PCDHB7: variants seen among roughly 807,000 people sequenced by gnomAD.
The protein encoded by PCDHB7 is protocadherin beta 7, also known as protocadherin beta-7.
For missense variants in PCDHB7, 1,148 were observed against 1,011.6 expected, an observed-to-expected ratio of 1.13 and a Z score of -1.83; for synonymous variants, 542 against 463.1, an observed-to-expected ratio of 1.17 and a Z score of -2.19.
chr5:141,173,447 G>A lies in PCDHB7; in HGVS notation c.612G>A (p.Glu204=), dbSNP rs782256276. Residue 204 remains glutamate (E), a synonymous_variant, in exon 1 of 1, where the codon GAG becomes GAA. Coordinates refer to ENST00000231137, the MANE Select transcript of PCDHB7 (RefSeq NM_018940.4). ...TGAATCAAGTGCTGGATCGGGAAGA[G>A]ATACCAGAGTTCAGTTTAACCCTCA... The part of the protein sequence containing the change: ...LVLNQVLDRE[E]IPEFSLTLTA... The A allele has an allele frequency of 6.2e-7, 1 of 1,614,198 alleles. No individual in the cohort carries two copies. Among genetic ancestry groups the A allele is most frequent in the East Asian group, 2.2e-5 (1 of 44,876 alleles).
Position 141,173,804 on chromosome 5 carries a change from C to A in PCDHB7, c.969C>A (p.Asp323Glu). The A allele has an allele frequency of 1.2e-6, 2 of 1,614,152 alleles. No individual in the cohort carries two copies. Among genetic ancestry groups the A allele is most frequent in the Non-Finnish European group, 1.7e-6 (2 of 1,180,034 alleles). Residue 323 changes from aspartate (D) to glutamate (E), a missense_variant, in exon 1 of 1, where the codon GAC (aspartate) becomes GAA (glutamate). Physicochemically the swap from Asp to Glu is conservative, Grantham distance 45. Coordinates refer to ENST00000231137, the MANE Select transcript of PCDHB7 (RefSeq NM_018940.4). ...QTYTLTIQAK[D>E]GGGLSGKCTV... ...ACACATTAACTATTCAGGCCAAAGACGGCGGCGGGCTTTCTGGAAAATGCA... is the reference window on the plus strand; with the variant it reads ...ACACATTAACTATTCAGGCCAAAGAAGGCGGCGGGCTTTCTGGAAAATGCA...
Position 141,174,770 on chromosome 5 carries a change from G to A in PCDHB7, c.1935G>A (p.Lys645=), listed in dbSNP as rs782795045. The A allele has an allele frequency of 9.3e-6, 15 of 1,611,182 alleles. No individual in the cohort carries two copies. The highest frequency in any genetic ancestry group is 3.3e-5 in the South Asian group (3 of 90,986). ...AAKQRLVVLV[K]DNGEPPRSAT... ...AGCAGAGGCTGGTGGTGCTGGTCAA[G>A]GACAATGGCGAGCCTCCGCGCTCGG... The change falls in exon 1 of 1, where the codon AAG becomes AAA. Residue 645 remains lysine (K), a synonymous_variant. Transcript: ENST00000231137.
Position 141,173,699 on chromosome 5 carries a change from T to A in PCDHB7, c.864T>A (p.Ile288=). ...CATTTTCTTACGCCACTGAAAGAAT[T>A]CTCAAAACGTTTCAAATCAATCCAA... is the stretch of plus-strand genomic sequence containing the variant. ...AYAFSYATER[I]LKTFQINPTS... Residue 288 remains isoleucine, a synonymous_variant, in exon 1 of 1, where the codon ATT becomes ATA. Transcript: ENST00000231137. The A allele has an allele frequency of 6.2e-7, 1 of 1,614,094 alleles. No homozygotes were observed. The highest frequency in any genetic ancestry group is 2.2e-5 in the East Asian group (1 of 44,882).
At position 141,173,883 on chromosome 5, in the gene PCDHB7, T is replaced by G; in HGVS notation, c.1048T>G (p.Ser350Ala). Reference sequence around the variant, plus strand: ...CGATAATCGACCCGAGCTGCTCCTGTCTTCACTTACTAGCCCAATTGCAGA... The same window carrying G: ...CGATAATCGACCCGAGCTGCTCCTGGCTTCACTTACTAGCCCAATTGCAGA... ...INDNRPELLL[S>A]SLTSPIAENS... The change falls in exon 1 of 1, where the codon TCT (serine) becomes GCT (alanine). Residue 350 changes from serine (S) to alanine (A), a missense_variant. Physicochemically the swap from Ser to Ala is moderately conservative, Grantham distance 99 (BLOSUM62 1). Coordinates refer to ENST00000231137, the MANE Select transcript of PCDHB7 (RefSeq NM_018940.4). The G allele has an allele frequency of 6.2e-7, 1 of 1,613,414 alleles. No individual in the cohort carries two copies. The highest frequency in any genetic ancestry group is 1.1e-5 in the South Asian group (1 of 91,042).
chr5:141,174,026 CG>C lies in PCDHB7; in HGVS notation c.1192del (p.Glu398LysfsTer7). ...DVPFILKPSV[E>X]NFYTLVTEKP... is the part of the protein sequence containing the mutation. The stretch of plus-strand genomic sequence containing the variant: ...TCCCCTTCATCCTGAAGCCATCTGT[CG>C]AAAACTTCTATACTCTGGTAACAGA... On this transcript the variant is annotated frameshift_variant, in exon 1 of 1. Transcript: ENST00000231137. LOFTEE classifies it low-confidence loss of function (END_TRUNC). The C allele has an allele frequency of 6.2e-7, 1 of 1,614,142 alleles. No individual in the cohort carries two copies. The highest frequency in any genetic ancestry group is 1.1e-5 in the South Asian group (1 of 91,080).
At position 141,173,006 on chromosome 5, in the gene PCDHB7, G is replaced by A. The variant is rs782569261; in HGVS notation, c.171G>A (p.Gly57=). The stretch of plus-strand genomic sequence containing the variant: ...CAAAAGACCTAGGGTTAGGGGTAGG[G>A]GAACTGAGAGCCCGGGGAACTAGAA... ...NLAKDLGLGV[G]ELRARGTRIV... The change falls in exon 1 of 1, where the codon GGG becomes GGA. Residue 57 remains glycine, a synonymous_variant. Transcript: ENST00000231137. 7.4e-6 allele frequency: 12 copies of A among 1,614,014 alleles called. No homozygotes were observed. In the Admixed American group the frequency reaches 1.5e-4, roughly 20 times the overall value.
In PCDHB7 at chr5:141,175,222, G is replaced by T. The variant is rs782542413; in HGVS notation, c.*5G>T. The T allele has an allele frequency of 1.1e-5, 17 of 1,595,456 alleles. No individual in the cohort carries two copies. Among genetic ancestry groups the T allele is most frequent in the Admixed American group, 1.0e-4 (6 of 57,236 alleles). ...CAGAATAATTTGGGTTTCTGATAAA[G>T]AATGTAAACTAAATCCGCGTCTGTG... On this transcript the variant is annotated 3_prime_UTR_variant, in exon 1 of 1. Coordinates refer to ENST00000231137, the MANE Select transcript of PCDHB7 (RefSeq NM_018940.4).
chr5:141,174,321 C>A lies in PCDHB7; in HGVS notation c.1486C>A (p.Pro496Thr). The change falls in exon 1 of 1, where the codon CCG (proline) becomes ACG (threonine). Residue 496 changes from proline to threonine, a missense_variant. Physicochemically the swap from Pro to Thr is conservative, Grantham distance 38. Coordinates refer to ENST00000231137, the MANE Select transcript of PCDHB7 (RefSeq NM_018940.4). Reference sequence around the variant, plus strand: ...CTACTCCCTGCTGCCGTCCCAGGACCCGCACCTGCCCCTCGCCTCCCTGGT... The same window carrying A: ...CTACTCCCTGCTGCCGTCCCAGGACACGCACCTGCCCCTCGCCTCCCTGGT... ...VIYSLLPSQD[P>T]HLPLASLVSI... 1.2e-6 allele frequency: 2 copies of A among 1,612,950 alleles called. No homozygotes were observed. Among genetic ancestry groups the A allele is most frequent in the Non-Finnish European group, 1.7e-6 (2 of 1,179,922 alleles).
Position 141,175,324 on chromosome 5 carries a change from T to C in PCDHB7, c.*107T>C. 1 of 1,172,196 alleles carries C rather than the reference T, an allele frequency of 8.5e-7. No individual in the cohort carries two copies. The highest frequency in any genetic ancestry group is 1.2e-6 in the Non-Finnish European group (1 of 843,768). 72.6% of individuals were successfully genotyped at this position (1,172,196 alleles called of 1,614,324 possible). On this transcript the variant is annotated 3_prime_UTR_variant, in exon 1 of 1. Coordinates refer to ENST00000231137, the MANE Select transcript of PCDHB7 (RefSeq NM_018940.4). ...TTACATCATTTCAAATATGTACTCT[T>C]GAAGTCAAGCAATAAATTTCTATAC...
Position 141,175,252 on chromosome 5 carries a change from C to A in PCDHB7, c.*35C>A. 6.4e-7 allele frequency: 1 copy of A among 1,557,178 alleles called. No individual in the cohort carries two copies. Among genetic ancestry groups the A allele is most frequent in the Non-Finnish European group, 8.7e-7 (1 of 1,147,138 alleles). ...TAAACTAAATCCGCGTCTGTGAATA[C>A]GTTTCTGATTAGGAACTTATTGCGA... On this transcript the variant is annotated 3_prime_UTR_variant, in exon 1 of 1. Transcript: ENST00000231137.
rs1554280056 is a variant in PCDHB7 at position 141,173,776 on chromosome 5, C to T, written c.941C>T (p.Thr314Ile). ...KAQLDYEAIQ[T>I]YTLTIQAKDG... is the part of the protein sequence containing the mutation. Reference sequence around the variant, plus strand: ...CAATTGGACTATGAGGCAATTCAAACTTACACATTAACTATTCAGGCCAAA... The same window carrying T: ...CAATTGGACTATGAGGCAATTCAAATTTACACATTAACTATTCAGGCCAAA... The change falls in exon 1 of 1, where the codon ACT becomes ATT. Residue 314 changes from threonine to isoleucine, a missense_variant. Thr to Ile is a moderately conservative substitution (Grantham distance 89, BLOSUM62 -1). Coordinates refer to ENST00000231137, the MANE Select transcript of PCDHB7 (RefSeq NM_018940.4). The T allele has an allele frequency of 3.7e-6, 6 of 1,614,118 alleles. No homozygotes were observed. Among genetic ancestry groups the T allele is most frequent in the Non-Finnish European group, 3.4e-6 (4 of 1,180,000 alleles).
Position 141,172,793 on chromosome 5 carries a change from G to T in PCDHB7, c.-43G>T, listed in dbSNP as rs781814480. On this transcript the variant is annotated 5_prime_UTR_variant, in exon 1 of 1. Coordinates refer to ENST00000231137, the MANE Select transcript of PCDHB7 (RefSeq NM_018940.4). Reference sequence around the variant, plus strand: ...CTGCTGCCATTTGTGAGAGCCGCTGGAGGCTGAGTGAAAGTCATTTTGAAA... The same window carrying T: ...CTGCTGCCATTTGTGAGAGCCGCTGTAGGCTGAGTGAAAGTCATTTTGAAA... The T allele has an allele frequency of 3.9e-6, 6 of 1,519,776 alleles. No individual in the cohort carries two copies. The highest frequency in any genetic ancestry group is 2.7e-5 in the African/African-American group (2 of 72,784). The allele number at this position is 1,519,776 out of a possible 1,614,324, so 94.1% of individuals were successfully genotyped here.
In PCDHB7 at chr5:141,173,611, C is replaced by T; in HGVS notation, c.776C>T (p.Ser259Phe). The change falls in exon 1 of 1, where the codon TCC becomes TTC. Residue 259 changes from serine to phenylalanine, a missense_variant. Ser to Phe is a radical substitution (Grantham distance 155). Coordinates refer to ENST00000231137, the MANE Select transcript of PCDHB7 (RefSeq NM_018940.4). Reference protein sequence around the residue: ...VQVPENSPVGSMVVSVSARDL... With the variant: ...VQVPENSPVGFMVVSVSARDL... ...GTGCCCGAAAATAGCCCCGTTGGTT[C>T]CATGGTTGTCTCCGTGTCAGCCAGA... 6.2e-7 allele frequency: 1 copy of T among 1,614,146 alleles called. No homozygotes were observed. The highest frequency in any genetic ancestry group is 8.5e-7 in the Non-Finnish European group (1 of 1,180,032).
At position 141,175,553 on chromosome 5, in the gene PCDHB7, C is replaced by A. The variant is rs782181400; in HGVS notation, c.*336C>A. ...TTAGAAAGCTGTATGAGTGTACCTA[C>A]CCTAGTCTCAGAAGCATAGACTGTA... On this transcript the variant is annotated 3_prime_UTR_variant, in exon 1 of 1. Coordinates refer to ENST00000231137, the MANE Select transcript of PCDHB7 (RefSeq NM_018940.4). 1 of 326,610 alleles carries A rather than the reference C, an allele frequency of 3.1e-6. No individual in the cohort carries two copies. Among genetic ancestry groups the A allele is most frequent in the Non-Finnish European group, 5.7e-6 (1 of 176,526 alleles). 20.2% of individuals were successfully genotyped at this position (326,610 alleles called of 1,614,324 possible).
Position 141,173,977 on chromosome 5 carries a change from C to G in PCDHB7, c.1142C>G (p.Thr381Arg). The change falls in exon 1 of 1, where the codon ACA (threonine) becomes AGA (arginine). Residue 381 changes from threonine to arginine, a missense_variant. Physicochemically the swap from Thr to Arg is moderately conservative, Grantham distance 71. Coordinates refer to ENST00000231137, the MANE Select transcript of PCDHB7 (RefSeq NM_018940.4). ...RDRDSGNNGKTVCSIQDDVPF... is the reference protein window; with the variant it reads ...RDRDSGNNGKRVCSIQDDVPF... ...AGAGATTCCGGGAACAATGGAAAGACAGTGTGCTCCATCCAGGACGATGTC... is the reference window on the plus strand; with the variant it reads ...AGAGATTCCGGGAACAATGGAAAGAGAGTGTGCTCCATCCAGGACGATGTC... The G allele has an allele frequency of 6.2e-7, 1 of 1,614,124 alleles. No homozygotes were observed. The highest frequency in any genetic ancestry group is 8.5e-7 in the Non-Finnish European group (1 of 1,180,018).
chr5:141,173,487 G>A lies in PCDHB7; in HGVS notation c.652G>A (p.Gly218Ser), dbSNP rs782717110. ...FSLTLTALDG[G>S]SPPRSGTALV... ...TTTAACCCTCACCGCTTTAGACGGC[G>A]GCTCTCCTCCAAGATCAGGGACCGC... is the stretch of plus-strand genomic sequence containing the variant. Residue 218 changes from glycine to serine, a missense_variant, in exon 1 of 1, where the codon GGC becomes AGC. By Grantham distance (56) the Gly-to-Ser change is moderately conservative. Transcript: ENST00000231137. The A allele has an allele frequency of 4.3e-6, 7 of 1,614,116 alleles. No homozygotes were observed. The highest frequency in any genetic ancestry group is 2.2e-5 in the South Asian group (2 of 91,074).
Position 141,173,398 on chromosome 5 carries a change from G to C in PCDHB7, c.563G>C (p.Gly188Ala). 1 of 1,614,108 alleles carries C rather than the reference G, an allele frequency of 6.2e-7. No homozygotes were observed. Among genetic ancestry groups the C allele is most frequent in the Non-Finnish European group, 8.5e-7 (1 of 1,179,984 alleles). ...ATTAATGTCCATGATAGCGGGGAGG[G>C]GAATATCTATCCCGAATTGGTGCTG... ...FHINVHDSGE[G>A]NIYPELVLNQ... The change falls in exon 1 of 1, where the codon GGG becomes GCG. Residue 188 changes from glycine to alanine, a missense_variant. Gly to Ala is a moderately conservative substitution (Grantham distance 60, BLOSUM62 0). Coordinates refer to ENST00000231137, the MANE Select transcript of PCDHB7 (RefSeq NM_018940.4).
In PCDHB7 at chr5:141,175,057, GGACCCTATCCCA is replaced by G; in HGVS notation, c.2225_2236del (p.Thr742_Gln745del). On this transcript the variant is annotated inframe_deletion, in exon 1 of 1. Coordinates refer to ENST00000231137, the MANE Select transcript of PCDHB7 (RefSeq NM_018940.4). ...CATCTGGTGGACTTGAGCGGCACCG[GGACCCTATCCCA>G]GAGCTACCAGTATGAGGTGTGCCTG... The G allele has an allele frequency of 6.2e-7, 1 of 1,614,240 alleles. No individual in the cohort carries two copies. The highest frequency in any genetic ancestry group is 2.2e-5 in the East Asian group (1 of 44,876).
At position 141,174,900 on chromosome 5, in the gene PCDHB7, G is replaced by A. The variant is rs1811237; in HGVS notation, c.2065G>A (p.Val689Met). The A allele has an allele frequency of 6.2e-7, 1 of 1,606,394 alleles. No individual in the cohort carries two copies. The highest frequency in any genetic ancestry group is 1.1e-5 in the South Asian group (1 of 90,816). ...DQANSLTVYL[V>M]VALASVSSLF... ...GGCCAACTCGCTCACCGTCTACCTG[G>A]TGGTGGCGTTGGCCTCGGTGTCTTC... The change falls in exon 1 of 1, where the codon GTG (valine) becomes ATG (methionine). Residue 689 changes from valine (V) to methionine (M), a missense_variant. Val to Met is a conservative substitution (Grantham distance 21). Transcript: ENST00000231137.
Sources: allele counts gnomAD v4.1 joint callset, GRCh38; gene constraint gnomAD v4.1.1; transcripts MANE v1.5; gene names NCBI Gene and HGNC (gene_info 2026-07-23, HGNC 2026-07-21).